Variants in PMM2 observed in about 807,000 individuals in gnomAD.
PMM2 encodes the protein phosphomannomutase 2, also known as mannose-6-phosphate isomerase.
In PMM2, 35 loss-of-function variants were observed where a neutral mutation model predicts 33.2. The ratio of observed to expected loss-of-function variants is 1.06; its 90% CI spans 0.81 to 1.40. PMM2 has a LOEUF of 1.40. PMM2 is among the 40% of genes most tolerant of loss of function. The pLI, the probability that PMM2 is intolerant of heterozygous loss-of-function variation, is 0.00. For synonymous variants in PMM2, 153 were observed against 114.7 expected, an observed-to-expected ratio of 1.33 and a Z score of -2.13; for missense variants, 386 against 306.0, an observed-to-expected ratio of 1.26 and a Z score of -1.95.
At chr16:8,814,964 C>G (rs924616870) in intron 7 of PMM2, among the ~76,000 whole-genome samples, 4 of 152,082 alleles carry the variant, frequency 2.6e-5, no homozygotes, top group Non-Finnish European at 5.9e-5. Context: ...GACATTACAC[C>G]CATTGAACAA....
chr16:8,837,221 C>G, intron 7 of PMM2, among the ~76,000 whole-genome samples: 1 of 151,908 alleles, frequency 6.6e-6, no homozygotes, highest in East Asian at 1.9e-4. Flanking sequence ...TAAAAGAATG[C>G]CTGGACATCA....
intron 7 of PMM2, chr16:8,832,506 C>T (rs780520906): frequency 1.0e-6 from 1 of 985,320 alleles, no homozygotes; most frequent in African/African-American, 1.7e-5. Flanking sequence ...GCCTCTGTCC[C>T]TGCATGTGAC....
intron 7 of PMM2, among the ~76,000 whole-genome samples, chr16:8,846,016 A>C (rs2060923499): frequency 6.6e-6 from 1 of 152,180 alleles, no homozygotes; most frequent in Non-Finnish European, 1.5e-5. Flanking sequence ...CATGCAATTC[A>C]GGTCTGTCTG....
chr16:8,820,101 G>C (rs2141028970), intron 7 of PMM2, among the ~76,000 whole-genome samples: 1 of 152,366 alleles, frequency 6.6e-6, no homozygotes, highest in Admixed American at 6.5e-5. Flanking sequence ...GGAGGCTGAG[G>C]CAGGAGAAGC....
At chr16:8,830,669 C>T (rs900646799) in intron 7 of PMM2, among the ~76,000 whole-genome samples, 4 of 152,100 alleles carry the variant, frequency 2.6e-5, no homozygotes, top group African/African-American at 7.2e-5. Flanking sequence ...GATTTACAAG[C>T]GATGTTATTC....
At chr16:8,847,127 G>C (rs2060931097) in intron 7 of PMM2, among the ~76,000 whole-genome samples, 2 of 152,046 alleles carry the variant, frequency 1.3e-5, no homozygotes, top group African/African-American at 4.8e-5. Flanking sequence ...GCCTCCCAAA[G>C]TGCTGGGATT....
intron 7 of PMM2, among the ~76,000 whole-genome samples, chr16:8,835,555 G>A (rs1258877731): frequency 6.6e-6 from 1 of 152,012 alleles, no homozygotes; most frequent in Admixed American, 6.5e-5. Context: ...AGGTATTGAG[G>A]ACAGGAGAGT....
chr16:8,810,924 G>T, intron 4 of PMM2, 155 bp from the exon 5 acceptor site: 2 of 672,378 alleles, frequency 3.0e-6, no homozygotes, highest in Non-Finnish European at 2.7e-6. Context: ...AGTCACAGTA[G>T]TTCATGGCTA....
Position 8,815,142 on chromosome 16 carries a change from C to G in PMM2, c.639+2036C>G, listed in dbSNP as rs966732353. ...AGTATGTCTTCTCAGTTTACTCATG[C>G]TGGCACAAATGGCAAGTTTCCTTAT... On this transcript the variant is annotated intron_variant, in intron 7 of 7. Transcript: ENST00000268261. 1.6e-4 allele frequency among the ~76,000 whole-genome samples: 24 copies of G among 151,996 alleles called. 1 individual carries two copies. Among genetic ancestry groups the G allele is most frequent in the Non-Finnish European group, 4.4e-5 (3 of 68,012 alleles).
chr16:8,824,614 A>G (rs898728139), intron 7 of PMM2, among the ~76,000 whole-genome samples: 1 of 152,176 alleles, frequency 6.6e-6, no homozygotes, highest in African/African-American at 2.4e-5. Flanking sequence ...CATAATTTTA[A>G]TACACCAAAT....
chr16:8,800,264 G>C (rs1596483185), intron 1 of PMM2, among the ~76,000 whole-genome samples: 1 of 151,126 alleles, frequency 6.6e-6, no homozygotes, highest in Admixed American at 6.6e-5. Context: ...GGGAGGCTGA[G>C]ACAGGAGAAT....
chr16:8,837,635 C>T (rs763700232), intron 7 of PMM2, among the ~76,000 whole-genome samples: 3 of 151,234 alleles, frequency 2.0e-5, no homozygotes, highest in African/African-American at 4.9e-5. Context: ...GGGATCGGGG[C>T]GCAGAGATAC....
intron 7 of PMM2, among the ~76,000 whole-genome samples, chr16:8,815,148 C>A (rs1032422863): frequency 1.3e-5 from 2 of 151,886 alleles, no homozygotes; most frequent in African/African-American, 4.8e-5. Context: ...CATGCTGGCA[C>A]AAATGGCAAG....
At chr16:8,804,935 C>T (rs578100883) in intron 3 of PMM2, 92 bp downstream of exon 3, 84 of 807,058 alleles carry the variant, frequency 1.0e-4, no homozygotes, top group Middle Eastern at 5.7e-4. Context: ...AGATGAGGAA[C>T]GGGTAGAAAT....
At chr16:8,798,028 T>C in intron 1 of PMM2, 80 bp downstream of exon 1, 1 of 1,420,666 alleles carries the variant, frequency 7.0e-7, no homozygotes, top group South Asian at 1.2e-5. Context: ...CCACCCAGGG[T>C]AGGCGCCAAG....
intron 7 of PMM2, among the ~76,000 whole-genome samples, chr16:8,816,831 G>A (rs931970933): frequency 3.3e-5 from 5 of 152,164 alleles, no homozygotes; most frequent in African/African-American, 1.2e-4. Flanking sequence ...TAGCTATGAT[G>A]GAAAACTACA....
chr16:8,817,574 T>C (rs2060715035), intron 7 of PMM2, among the ~76,000 whole-genome samples: 1 of 152,254 alleles, frequency 6.6e-6, no homozygotes, highest in African/African-American at 2.4e-5. Flanking sequence ...TGGGAATTCT[T>C]CATTTGGGAA....
intron 7 of PMM2, among the ~76,000 whole-genome samples, chr16:8,845,304 C>A (rs12929774): frequency 1.3e-5 from 2 of 152,104 alleles, no homozygotes; most frequent in African/African-American, 4.8e-5. Context: ...TTGATCAGTT[C>A]GGGTGGGGCA....
At chr16:8,847,647 T>TGTGACCC in intron 7 of PMM2, 77 bp from the exon 8 acceptor site, 1 of 1,070,712 alleles carries the variant, frequency 9.3e-7, no homozygotes, top group Non-Finnish European at 1.5e-6. Flanking sequence ...TTGGGTACTT[T>TGTGACCC]TGGACTCCAG....
Sources: allele counts gnomAD v4.1 joint callset (sites outside exome capture counted in the v4.1 genomes callset), GRCh38; gene constraint gnomAD v4.1.1; transcripts MANE v1.5; gene names NCBI Gene and HGNC (gene_info 2026-07-23, HGNC 2026-07-21).